GOLGA4: variants seen among roughly 807,000 people sequenced by gnomAD.
The protein encoded by GOLGA4 is golgin A4.
In GOLGA4, 169 loss-of-function variants were observed where a neutral mutation model predicts 265.9. The ratio of observed to expected loss-of-function variants is 0.64; its 90% confidence interval spans 0.56 to 0.72. The LOEUF is 0.72. Ranked by LOEUF, GOLGA4 falls within the 30% of genes least tolerant of loss-of-function variation. The probability of loss-of-function intolerance (pLI) is 0.00; values close to 1 mark genes in which losing one functional copy is unlikely to be tolerated. For missense variants in GOLGA4, 2,482 were observed against 2,483.4 expected (o/e 1.00, Z 0.01); for synonymous variants, 923 against 855.8 (o/e 1.08, Z -1.37).
At chr3:37,288,635 C>T (rs1257171119) in intron 4 of GOLGA4, among the ~76,000 whole-genome samples, 1 of 151,840 alleles carries the variant, frequency 6.6e-6, no homozygotes, top group Admixed American at 6.6e-5. Flanking sequence ...TGCCACCACG[C>T]CTGGCTGATT....
chr3:37,325,287 C>T lies in GOLGA4; in HGVS notation c.3401C>T (p.Ala1134Val), dbSNP rs1463489576. The change falls in exon 14 of 24, where the codon GCT (alanine) becomes GTT (valine). Residue 1134 changes from alanine to valine, a missense_variant. Ala to Val is a moderately conservative substitution (Grantham distance 64). Around this residue, in one of 3 missense-constraint regions of GOLGA4, gnomAD observed 1,536 missense variants for 1,483.7 expected, o/e 1.04. Coordinates refer to ENST00000361924, the MANE Select transcript of GOLGA4 (RefSeq NM_002078.5). ...GCACAAGATGAAACTAAACTGAAAG[C>T]TCATCTTGAAAAGCTAGAGGTTGAC... ...SLAQDETKLK[A>V]HLEKLEVDLN... 2 of 1,613,290 alleles carry T rather than the reference C, an allele frequency of 1.2e-6. No homozygotes were observed. The highest frequency in any genetic ancestry group is 1.7e-6 in the Non-Finnish European group (2 of 1,179,680).
At chr3:37,314,249 A>G (rs368260496) in intron 10 of GOLGA4, among the ~76,000 whole-genome samples, 157 of 152,210 alleles carry the variant, frequency 1.0e-3, no homozygotes, top group African/African-American at 3.5e-3. Context: ...GTATGAGCCA[A>G]TGTGCTGGGT....
At chr3:37,284,163 AC>A (rs1297304627) in intron 3 of GOLGA4, among the ~76,000 whole-genome samples, 1 of 149,918 alleles carries the variant, frequency 6.7e-6, no homozygotes, top group Non-Finnish European at 1.5e-5. Context: ...TCCACACACA[AC>A]CCCCCTCCAC....
intron 16 of GOLGA4, 55 bp from the exon 17 acceptor site, chr3:37,334,998 T>C: frequency 9.1e-7 from 1 of 1,092,992 alleles, no homozygotes; most frequent in Non-Finnish European, 1.3e-6. Flanking sequence ...TGTGTTTGTT[T>C]ACTAATGCTT....
At chr3:37,256,904 GA>G (rs1295456000) in intron 2 of GOLGA4, among the ~76,000 whole-genome samples, 2 of 151,742 alleles carry the variant, frequency 1.3e-5, no homozygotes, top group African/African-American at 2.4e-5. Flanking sequence ...AAGGGACCCT[GA>G]TTTTTTTTTT....
intron 1 of GOLGA4, among the ~76,000 whole-genome samples, chr3:37,251,134 A>G (rs534902202): frequency 6.6e-6 from 1 of 152,208 alleles, no homozygotes; most frequent in Non-Finnish European, 1.5e-5. Flanking sequence ...TTTATTTTAT[A>G]TATGGAGACA....
At chr3:37,307,546 G>A (rs994634069) in intron 10 of GOLGA4, among the ~76,000 whole-genome samples, 1 of 151,858 alleles carries the variant, frequency 6.6e-6, no homozygotes, top group African/African-American at 2.4e-5. Flanking sequence ...AGCCTTGTAT[G>A]AACAGGACTG....
chr3:37,276,398 A>T (rs751811053), intron 2 of GOLGA4: 18 of 1,607,824 alleles, frequency 1.1e-5, no homozygotes, highest in African/African-American at 1.3e-5. Context: ...GCTGAAAGAG[A>T]TGTGGAAAAA....
intron 10 of GOLGA4, among the ~76,000 whole-genome samples, chr3:37,304,375 G>A (rs931927384): frequency 6.6e-6 from 1 of 152,182 alleles, no homozygotes; most frequent in African/African-American, 2.4e-5. Flanking sequence ...GGGGAATTTA[G>A]TTAATGAATT....
intron 10 of GOLGA4, among the ~76,000 whole-genome samples, chr3:37,303,072 A>G (rs985553419): frequency 7.2e-5 from 11 of 152,260 alleles, no homozygotes; most frequent in African/African-American, 9.6e-5. Context: ...TGCCGTAAAC[A>G]GGCACAGTGA....
intron 3 of GOLGA4, among the ~76,000 whole-genome samples, chr3:37,284,992 A>G (rs1015092009): frequency 6.6e-6 from 1 of 151,950 alleles, no homozygotes; most frequent in African/African-American, 2.4e-5. Context: ...TTGATTCAGG[A>G]TATCACTAGT....
Position 37,282,118 on chromosome 3 carries a change from A to C in GOLGA4, c.323A>C (p.Asp108Ala), listed in dbSNP as rs1202529805. ...GAATCCCTGAATCGACTTGACCTGG[A>C]CAGTTCTACTGCCAGTTTTGATCCA... ...SRESLNRLDL[D>A]SSTASFDPPS... Residue 108 changes from aspartate to alanine, a missense_variant, in exon 3 of 24, where the codon GAC becomes GCC. By Grantham distance (126) the Asp-to-Ala change is moderately radical. This residue lies in a region of GOLGA4 where 1,536 missense variants were observed against 1,483.7 expected (regional missense o/e 1.04). Coordinates refer to ENST00000361924, the MANE Select transcript of GOLGA4 (RefSeq NM_002078.5). The C allele has an allele frequency of 2.5e-6, 4 of 1,614,152 alleles. No homozygotes were observed. The highest frequency in any genetic ancestry group is 3.4e-6 in the Non-Finnish European group (4 of 1,180,004).
At chr3:37,260,273 C>CA (rs373851780) in intron 2 of GOLGA4, among the ~76,000 whole-genome samples, 2 of 152,066 alleles carry the variant, frequency 1.3e-5, no homozygotes, top group East Asian at 3.9e-4. Context: ...TTAATTGACC[C>CA]AAAATCATAA....
intron 9 of GOLGA4, among the ~76,000 whole-genome samples, chr3:37,301,430 G>T (rs903279164): frequency 6.6e-6 from 1 of 152,172 alleles, no homozygotes; most frequent in Non-Finnish European, 1.5e-5. Context: ...ATCCAGTGTG[G>T]CAGCAGGCAC....
At chr3:37,259,881 G>A (rs1043383104) in intron 2 of GOLGA4, among the ~76,000 whole-genome samples, 1 of 152,040 alleles carries the variant, frequency 6.6e-6, no homozygotes, top group East Asian at 1.9e-4. Context: ...TTTGTTTAAA[G>A]GCTTTCTATG....
intron 9 of GOLGA4, among the ~76,000 whole-genome samples, chr3:37,300,047 T>C (rs1188004885): frequency 6.6e-6 from 1 of 152,056 alleles, no homozygotes; most frequent in Non-Finnish European, 1.5e-5. Flanking sequence ...TGAGACCCTG[T>C]CTCTTAAAAA....
intron 2 of GOLGA4, among the ~76,000 whole-genome samples, chr3:37,272,995 C>A (rs186244725): frequency 9.2e-5 from 14 of 152,230 alleles, no homozygotes; most frequent in Admixed American, 3.3e-4. Flanking sequence ...AAACAAAAAT[C>A]TTTCGCGTGT....
In GOLGA4 at chr3:37,326,702, A is replaced by G. The variant is rs143679231; in HGVS notation, c.4816A>G (p.Lys1606Glu). The change falls in exon 14 of 24, where the codon AAA (lysine) becomes GAA (glutamate). Residue 1606 changes from lysine to glutamate, a missense_variant. Lys to Glu is a moderately conservative substitution (Grantham distance 56, BLOSUM62 1). Coordinates refer to ENST00000361924, the MANE Select transcript of GOLGA4 (RefSeq NM_002078.5). ...SMKAELETKK[K>E]ELEHVNLSVK... is the part of the protein sequence containing the mutation. ...GAAAGCTGAACTTGAAACTAAGAAG[A>G]AAGAATTAGAACATGTGAATTTAAG... The G allele has an allele frequency of 3.7e-4, 597 of 1,612,676 alleles. 1 individual carries two copies. The highest frequency in any genetic ancestry group is 1.6e-3 in the Admixed American group (97 of 59,868).
At position 37,289,269 on chromosome 3, in the gene GOLGA4, G is replaced by A. The variant is rs2096858716; in HGVS notation, c.560G>A (p.Arg187Gln). 5 of 1,589,800 alleles carry A rather than the reference G, an allele frequency of 3.1e-6. No individual in the cohort carries two copies. The highest frequency in any genetic ancestry group is 3.4e-6 in the Non-Finnish European group (4 of 1,160,996). Residue 187 changes from arginine to glutamine, a missense_variant, in exon 5 of 24, where the codon CGG becomes CAG. Coordinates refer to ENST00000361924, the MANE Select transcript of GOLGA4 (RefSeq NM_002078.5). ...ILSQSQDKSL[R>Q]RIAELREELQ... is the part of the protein sequence containing the mutation. ...AGTCAGAGTCAGGATAAATCACTTC[G>A]GAGAATAGCAGAATTAAGAGAGGTA...
Sources: allele counts gnomAD v4.1 joint callset (sites outside exome capture counted in the v4.1 genomes callset), GRCh38; gene constraint gnomAD v4.1.1; regional missense constraint gnomAD v4.1.1; transcripts MANE v1.5; gene names NCBI Gene and HGNC (gene_info 2026-07-23, HGNC 2026-07-21).